Variants in MGAT5 observed in about 807,000 individuals in gnomAD.
MGAT5 encodes alpha-1,6-mannosylglycoprotein 6-beta-N-acetylglucosaminyltransferase A.
MGAT5 carries 30 observed loss-of-function variants against 94.3 expected under a neutral mutation model. The observed-to-expected ratio is 0.32, with a 90% CI of 0.24 to 0.43. The LOEUF (loss-of-function observed/expected upper bound fraction) is 0.43, where lower values mean the gene tolerates loss of function less well. Ranked by LOEUF, MGAT5 falls within the 20% of genes least tolerant of loss-of-function variation. The pLI is 1.00. For missense variants in MGAT5, 691 were observed against 905.5 expected (o/e 0.76, Z 3.04); for synonymous variants, 310 against 322.9 (o/e 0.96, Z 0.43).
chr2:134,387,334 T>TATATATA (rs1682093771), intron 10 of MGAT5, among the ~76,000 whole-genome samples: 3 of 28,012 alleles, frequency 1.1e-4, no homozygotes, highest in South Asian at 1.5e-3. Context: ...ATATATATAT[T>TATATATA]TTTTTTTTTT....
rs1558904866 is a variant in MGAT5 at position 134,454,386 on chromosome 2, G to A, written c.*5539G>A. 1 of 152,206 alleles carries A rather than the reference G, an allele frequency of 6.6e-6. No individual in the cohort carries two copies. The highest frequency in any genetic ancestry group is 1.5e-5 in the Non-Finnish European group (1 of 68,040). 9.4% of individuals were successfully genotyped at this position (152,206 alleles called of 1,614,324 possible). ...TGGTGACGTCCCTTCCACTGTAGTT[G>A]CTGTCACAACCTTGACGTCTTTAAG... is the stretch of plus-strand genomic sequence containing the variant. On this transcript the variant is annotated 3_prime_UTR_variant, in exon 16 of 16. Transcript: ENST00000281923.
chr2:134,401,794 T>C (rs1683071666), intron 10 of MGAT5, among the ~76,000 whole-genome samples: 1 of 152,178 alleles, frequency 6.6e-6, no homozygotes, highest in African/African-American at 2.4e-5. Context: ...TCCTGGTTCA[T>C]GAAATGAAGA....
At chr2:134,387,301 GATATATATATATATATAT>G (rs1553458949) in intron 10 of MGAT5, among the ~76,000 whole-genome samples, 2 of 42,612 alleles carry the variant, frequency 4.7e-5, no homozygotes, top group African/African-American at 1.9e-4. Context: ...AGTTATGTAT[GATATATATATATATATAT>G]ATATATATAT....
At chr2:134,315,088 A>G (rs918328597) in intron 2 of MGAT5, among the ~76,000 whole-genome samples, 1 of 152,204 alleles carries the variant, frequency 6.6e-6, no homozygotes, top group Non-Finnish European at 1.5e-5. Context: ...GAATGGACCC[A>G]CACTGTCAGC....
At chr2:134,269,621 A>G (rs1683907840) in intron 1 of MGAT5, among the ~76,000 whole-genome samples, 1 of 152,220 alleles carries the variant, frequency 6.6e-6, no homozygotes, top group Non-Finnish European at 1.5e-5. Context: ...CAAATAGTAA[A>G]TGCATCCATA....
intron 1 of MGAT5, among the ~76,000 whole-genome samples, chr2:134,135,422 G>A (rs910405054): frequency 1.3e-5 from 2 of 152,064 alleles, no homozygotes; most frequent in African/African-American, 4.8e-5. Context: ...AGCCTGGTGC[G>A]GTGGCTCACA....
At chr2:134,335,546 A>G (rs1273357776) in intron 4 of MGAT5, among the ~76,000 whole-genome samples, 1 of 151,744 alleles carries the variant, frequency 6.6e-6, no homozygotes, top group East Asian at 1.9e-4. Flanking sequence ...TCAATTTCTA[A>G]ACCTTATTCA....
In MGAT5 at chr2:134,270,519, C is replaced by T. The variant is rs754875679; in HGVS notation, c.375C>T (p.Ser125=). The T allele has an allele frequency of 2.0e-4, 329 of 1,614,048 alleles. No homozygotes were observed. The highest frequency in any genetic ancestry group is 2.6e-4 in the Non-Finnish European group (306 of 1,180,026). Residue 125 remains serine, a synonymous_variant, in exon 2 of 16, where the codon AGC becomes AGT. Coordinates refer to ENST00000281923, the MANE Select transcript of MGAT5 (RefSeq NM_002410.5). The stretch of plus-strand genomic sequence containing the variant: ...CCAACTCCACTACAGCTGTTCCCAG[C>T]TTGGTTGCACTTGAGAAAATTAATG... The part of the protein sequence containing the change: ...NSTNSTTAVP[S]LVALEKINVA...
At chr2:134,368,684 C>G (rs558961142) in intron 10 of MGAT5, among the ~76,000 whole-genome samples, 1 of 152,230 alleles carries the variant, frequency 6.6e-6, no homozygotes, top group Non-Finnish European at 1.5e-5. Context: ...CTCAGACTCT[C>G]CAATGACTTC....
intron 1 of MGAT5, among the ~76,000 whole-genome samples, chr2:134,229,553 G>A (rs1318400742): frequency 6.6e-6 from 1 of 152,136 alleles, no homozygotes; most frequent in Non-Finnish European, 1.5e-5. Flanking sequence ...CTGATAAGGA[G>A]CTTACAGGAT....
chr2:134,292,219 G>A (rs1685411159), intron 2 of MGAT5, among the ~76,000 whole-genome samples: 1 of 152,204 alleles, frequency 6.6e-6, no homozygotes, highest in Non-Finnish European at 1.5e-5. Context: ...AGAACTGAGT[G>A]TACCTCAGGG....
At chr2:134,403,758 CA>C (rs1428636192) in intron 11 of MGAT5, among the ~76,000 whole-genome samples, 1 of 152,174 alleles carries the variant, frequency 6.6e-6, no homozygotes, top group African/African-American at 2.4e-5. Context: ...AGCTAGAAGC[CA>C]ACCCAGCTAG....
At chr2:134,302,880 T>C (rs1003570611) in intron 2 of MGAT5, among the ~76,000 whole-genome samples, 7 of 152,084 alleles carry the variant, frequency 4.6e-5, no homozygotes, top group Non-Finnish European at 1.0e-4. Context: ...TTTCTCTTTC[T>C]CATTTGCTTT....
chr2:134,439,972 G>A (rs966233355), intron 14 of MGAT5, among the ~76,000 whole-genome samples: 1 of 152,172 alleles, frequency 6.6e-6, no homozygotes, highest in Non-Finnish European at 1.5e-5. Flanking sequence ...CACAGATCTG[G>A]AAAGGAAACG....
chr2:134,393,563 A>G (rs771750773), intron 10 of MGAT5, among the ~76,000 whole-genome samples: 8 of 152,180 alleles, frequency 5.3e-5, no homozygotes, highest in African/African-American at 1.2e-4. Context: ...AATGAAGTCA[A>G]GAGCTGGGAT....
chr2:134,260,225 C>T (rs1573636732), intron 1 of MGAT5, among the ~76,000 whole-genome samples: 2 of 152,204 alleles, frequency 1.3e-5, no homozygotes, highest in Admixed American at 6.5e-5. Context: ...TGTTCTTATG[C>T]AGAAACCAGA....
intron 15 of MGAT5, among the ~76,000 whole-genome samples, chr2:134,446,049 G>T (rs1685752698): frequency 6.6e-6 from 1 of 152,158 alleles, no homozygotes; most frequent in African/African-American, 2.4e-5. Context: ...GGGTTGGTTA[G>T]AGCCCTGCAT....
rs147753970 is a variant in MGAT5, at chr2:134,325,802, T to C, written c.573+7063T>C. Among the ~76,000 whole-genome samples the C allele has an allele frequency of 3.1e-3, 467 of 152,242 alleles. 12 individuals are homozygous for C. The highest frequency in any genetic ancestry group is 0.026 in the Admixed American group (395 of 15,260). On this transcript the variant is annotated intron_variant, in intron 4 of 15. Transcript: ENST00000281923. ...CTCTTCCGTCTCTTACTTTTCCTCC[T>C]TCTAATTTTTTGTTAGAGAAACTGC...
intron 1 of MGAT5, among the ~76,000 whole-genome samples, chr2:134,186,747 C>CA (rs1460883716): frequency 1.3e-5 from 2 of 152,134 alleles, no homozygotes; most frequent in Admixed American, 1.3e-4. Context: ...ATGGCATCAT[C>CA]AAAGTCATTC....
Sources: allele counts gnomAD v4.1 joint callset (sites outside exome capture counted in the v4.1 genomes callset), GRCh38; gene constraint gnomAD v4.1.1; transcripts MANE v1.5; gene names NCBI Gene and HGNC (gene_info 2026-07-23, HGNC 2026-07-21).